The following PSPH variants were observed in gnomAD, a reference collection of about 807,000 sequenced individuals.
The protein encoded by PSPH is L-3-phosphoserine phosphatase.
A neutral mutation model predicts 23.4 loss-of-function variants in PSPH; 16 were observed. The observed-to-expected ratio is 0.68, with a 90% CI of 0.46 to 1.04. The LOEUF is 1.04. Among genes scored for constraint, PSPH ranks in the 50% least tolerant of loss-of-function variants. PSPH has a pLI of 0.00. For synonymous variants in PSPH, 68 were observed against 99.7 expected (o/e 0.68, Z 1.89); for missense variants, 223 against 273.7 (o/e 0.81, Z 1.31).
intron 1 of PSPH, among the ~76,000 whole-genome samples, chr7:56,049,763 A>G (rs1352020638): frequency 6.8e-6 from 1 of 146,128 alleles, no homozygotes. Flanking sequence ...ATTTTTTTTG[A>G]GGAATCTCGC....
At chr7:56,021,949 C>CAAAAAAAA (rs753210160) in intron 3 of PSPH, among the ~76,000 whole-genome samples, 1 of 41,838 alleles carries the variant, frequency 2.4e-5, no homozygotes, top group Non-Finnish European at 4.7e-5. Flanking sequence ...GACTCCGTCT[C>CAAAAAAAA]AAAAAAAAAA....
At chr7:56,025,693 A>G (rs1790092686) in intron 3 of PSPH, among the ~76,000 whole-genome samples, 1 of 152,040 alleles carries the variant, frequency 6.6e-6, no homozygotes, top group Non-Finnish European at 1.5e-5. Flanking sequence ...TCCCGGGTTC[A>G]AGCAATTCTC....
At chr7:56,029,987 A>G (rs570266709) in intron 3 of PSPH, among the ~76,000 whole-genome samples, 6 of 142,918 alleles carry the variant, frequency 4.2e-5, no homozygotes, top group Admixed American at 2.1e-4. Context: ...TCAAAAAAAA[A>G]AAAAGAAAAA....
chr7:56,036,219 T>C (rs961574867), intron 1 of PSPH, among the ~76,000 whole-genome samples: 8 of 151,036 alleles, frequency 5.3e-5, no homozygotes, highest in African/African-American at 1.9e-4. Context: ...AGAGCGAGAA[T>C]CCATCTCAAA....
intron 3 of PSPH, among the ~76,000 whole-genome samples, chr7:56,029,992 G>A (rs200014765): frequency 0.031 from 3,753 of 120,788 alleles, 49 homozygotes; most frequent in Middle Eastern, 0.056. Context: ...AAAAAAAAAA[G>A]AAAAAAAAAA....
chr7:56,048,543 A>T (rs1362857313), intron 1 of PSPH, among the ~76,000 whole-genome samples: 1 of 152,218 alleles, frequency 6.6e-6, no homozygotes, highest in Non-Finnish European at 1.5e-5. Context: ...TGGATCCGGC[A>T]TCACTGTAAT....
chr7:56,015,310 G>T, intron 6 of PSPH, 139 bp from the exon 7 acceptor site: 1 of 834,048 alleles, frequency 1.2e-6, no homozygotes, highest in Non-Finnish European at 2.0e-6. Flanking sequence ...ACAGCCTGGA[G>T]CTCCACACCT....
intron 1 of PSPH, among the ~76,000 whole-genome samples, chr7:56,046,419 T>TG (rs1315973506): frequency 6.6e-6 from 1 of 152,000 alleles, no homozygotes; most frequent in East Asian, 1.9e-4. Flanking sequence ...TTTGTAGAGA[T>TG]GGGGTCTCAC....
intron 7 of PSPH, among the ~76,000 whole-genome samples, chr7:56,012,358 A>C (rs569449691): frequency 1.3e-5 from 2 of 151,842 alleles, no homozygotes; most frequent in East Asian, 3.9e-4. Flanking sequence ...TCCCTGAATA[A>C]ATTTTTAGAG....
intron 1 of PSPH, among the ~76,000 whole-genome samples, chr7:56,036,849 A>G (rs1482340187): frequency 6.6e-6 from 1 of 152,114 alleles, no homozygotes; most frequent in South Asian, 2.1e-4. Flanking sequence ...TAATCTTGCC[A>G]GACAAGGCAA....
intron 1 of PSPH, among the ~76,000 whole-genome samples, chr7:56,041,905 CA>C (rs1013373382): frequency 6.7e-6 from 1 of 150,058 alleles, no homozygotes; most frequent in Non-Finnish European, 1.5e-5. Context: ...GCCTGGGCAA[CA>C]GAGCGAGACT....
At chr7:56,038,321 T>C (rs1052682835) in intron 1 of PSPH, among the ~76,000 whole-genome samples, 18 of 145,696 alleles carry the variant, frequency 1.2e-4, no homozygotes, top group African/African-American at 4.3e-4. Context: ...TAGCCGGGCG[T>C]AGTGGTGGGC....
intron 3 of PSPH, among the ~76,000 whole-genome samples, chr7:56,028,042 C>G (rs938877328): frequency 2.7e-5 from 4 of 149,286 alleles, no homozygotes; most frequent in African/African-American, 9.8e-5. Flanking sequence ...GAGTGAGACC[C>G]TGCCTCAAAA....
At chr7:56,036,269 AAC>A (rs920064167) in intron 1 of PSPH, among the ~76,000 whole-genome samples, 5 of 152,034 alleles carry the variant, frequency 3.3e-5, no homozygotes, top group African/African-American at 1.2e-4. Flanking sequence ...TAATAAAAGA[AAC>A]AAAATGTTAA....
At chr7:56,034,928 G>C (rs1248652162) in intron 1 of PSPH, among the ~76,000 whole-genome samples, 1 of 151,872 alleles carries the variant, frequency 6.6e-6, no homozygotes, top group Non-Finnish European at 1.5e-5. Context: ...GATGGGGGGG[G>C]GTCTCACTGT....
intron 3 of PSPH, among the ~76,000 whole-genome samples, chr7:56,023,415 T>A (rs1227795932): frequency 6.6e-6 from 1 of 151,886 alleles, no homozygotes; most frequent in South Asian, 2.1e-4. Context: ...CGCACCACTA[T>A]GCTTGGCTAA....
chr7:56,033,900 G>A (rs1348565385), intron 2 of PSPH, 61 bp downstream of exon 2: 1 of 152,280 alleles, frequency 6.6e-6, no homozygotes, highest in Non-Finnish European at 1.5e-5. Context: ...CCTGGAAGAG[G>A]AAAAGGAAAG....
chr7:56,041,188 A>ACTCTAT lies in PSPH; in HGVS notation c.-291-7088_-291-7083dup, dbSNP rs1278962218. On this transcript the variant is annotated intron_variant, in intron 1 of 7. Coordinates refer to ENST00000275605, the MANE Select transcript of PSPH (RefSeq NM_004577.4). ...AGACCAGCTTGATTATCATAGCAAGACTCTATCTCTCTCTCTCTCTCTTTT... is the reference window on the plus strand; with the variant it reads ...AGACCAGCTTGATTATCATAGCAAGACTCTATCTCTATCTCTCTCTCTCTCTCTTTT... Among the ~76,000 whole-genome samples, 7 of 145,750 alleles carry ACTCTAT rather than the reference A, an allele frequency of 4.8e-5. No individual in the cohort carries two copies. In the East Asian group the frequency reaches 1.0e-3, roughly 21 times the overall value.
chr7:56,035,943 A>G (rs1013537695), intron 1 of PSPH, among the ~76,000 whole-genome samples: 21 of 151,584 alleles, frequency 1.4e-4, no homozygotes, highest in African/African-American at 4.8e-4. Flanking sequence ...TAAAAAGCAT[A>G]ATAGGCCGGG....
Sources: allele counts gnomAD v4.1 joint callset (sites outside exome capture counted in the v4.1 genomes callset), GRCh38; gene constraint gnomAD v4.1.1; transcripts MANE v1.5; gene names NCBI Gene and HGNC (gene_info 2026-07-23, HGNC 2026-07-21).